The following FOCAD variants were observed in gnomAD, a reference collection of about 807,000 sequenced individuals.
FOCAD encodes KIAA1797.
FOCAD carries 198 observed loss-of-function variants against 225.6 expected under a neutral mutation model. The observed-to-expected ratio is 0.88, with a 90% confidence interval of 0.78 to 0.99. The LOEUF (loss-of-function observed/expected upper bound fraction) is 0.99, where lower values mean the gene tolerates loss of function less well. FOCAD is among the 50% of genes least tolerant of loss of function. FOCAD has a pLI of 0.00. For synonymous variants in FOCAD, 897 were observed against 755.0 expected, an observed-to-expected ratio of 1.19 and a Z score of -3.08; for missense variants, 2,713 against 2,123.6, an observed-to-expected ratio of 1.28 and a Z score of -5.46.
At chr9:20,816,805 G>T (rs1823771361) in intron 11 of FOCAD, among the ~76,000 whole-genome samples, 1 of 151,936 alleles carries the variant, frequency 6.6e-6, no homozygotes, top group South Asian at 2.1e-4. Flanking sequence ...ATAAAAATAA[G>T]AATTTAGCAA....
intron 6 of FOCAD, 115 bp downstream of exon 6, chr9:20,758,306 A>G (rs1228916474): frequency 1.6e-6 from 1 of 623,946 alleles, no homozygotes; most frequent in Non-Finnish European, 2.6e-6. Context: ...TTGATCTATA[A>G]TGTTTTCTCC....
chr9:20,736,413 C>G (rs1014243652), intron 4 of FOCAD, among the ~76,000 whole-genome samples: 2 of 152,126 alleles, frequency 1.3e-5, no homozygotes, highest in Non-Finnish European at 2.9e-5. Context: ...ACTGTAACCT[C>G]TTTATGAAAT....
intron 21 of FOCAD, among the ~76,000 whole-genome samples, chr9:20,897,412 G>GTT (rs796547455): frequency 7.0e-6 from 1 of 142,260 alleles, no homozygotes; most frequent in African/African-American, 2.6e-5. Context: ...ATTTGTTACT[G>GTT]TTTTTTTTTT....
Position 20,669,470 on chromosome 9 carries a change from A to G in FOCAD, c.-78+10644A>G, listed in dbSNP as rs896268193. 6.6e-5 allele frequency among the ~76,000 whole-genome samples: 10 copies of G among 152,176 alleles called. No individual in the cohort carries two copies. In the East Asian group the frequency reaches 1.9e-3, roughly 29 times the overall value. On this transcript the variant is annotated intron_variant, in intron 2 of 45. Coordinates refer to the FOCAD transcript ENST00000380249. Reference sequence around the variant, plus strand: ...GATATGTGTTGCTTCATAAATTGTAAGGCCAGTGAAAAAAGAAAACATGGC... The same window carrying G: ...GATATGTGTTGCTTCATAAATTGTAGGGCCAGTGAAAAAAGAAAACATGGC...
At chr9:20,990,405 C>A (rs1350330953) in intron 42 of FOCAD, 31 bp downstream of exon 42, 1 of 1,608,206 alleles carries the variant, frequency 6.2e-7, no homozygotes, top group Non-Finnish European at 8.5e-7. Flanking sequence ...CTTAGCAGGG[C>A]AGGCAGCCAT....
chr9:20,948,730 C>T (rs1163078456), intron 31 of FOCAD, 121 bp from the exon 32 acceptor site: 25 of 1,047,306 alleles, frequency 2.4e-5, no homozygotes, highest in Non-Finnish European at 3.4e-5. Flanking sequence ...ATACAGGTTA[C>T]GTTGACCCTA....
chr9:20,895,369 G>C (rs1474224120), intron 21 of FOCAD, among the ~76,000 whole-genome samples: 3 of 151,914 alleles, frequency 2.0e-5, no homozygotes, highest in African/African-American at 7.2e-5. Flanking sequence ...GTGAGATTTT[G>C]AGTGTGATTG....
At position 20,885,170 on chromosome 9, in the gene FOCAD, C is replaced by T; in HGVS notation, c.2565C>T (p.Asn855=). 2 of 1,547,458 alleles carry T rather than the reference C, an allele frequency of 1.3e-6. No individual in the cohort carries two copies. Among genetic ancestry groups the T allele is most frequent in the Non-Finnish European group, 1.7e-6 (2 of 1,144,304 alleles). Residue 855 remains asparagine (N), a synonymous_variant, in exon 21 of 44, where the codon AAC becomes AAT. Transcript: ENST00000338382. ...AGAGTAAAGATGGAAAACCATTGAA[C>T]AGACTGATGGCCAGCAGAGGGCGAA... is the stretch of plus-strand genomic sequence containing the variant. ...MYQSKDGKPL[N]RLMASRGRSF...
chr9:20,784,518 A>T (rs1819716460), intron 10 of FOCAD, among the ~76,000 whole-genome samples: 1 of 152,200 alleles, frequency 6.6e-6, no homozygotes, highest in Admixed American at 6.5e-5. Context: ...GATGGGTGAG[A>T]TGAAGTGGAA....
intron 35 of FOCAD, among the ~76,000 whole-genome samples, chr9:20,973,385 C>CTTT (rs1193012099): frequency 6.9e-6 from 1 of 144,378 alleles, no homozygotes; most frequent in Non-Finnish European, 1.5e-5. Context: ...CTTTCTGCAG[C>CTTT]TTTTTTTTTT....
At position 20,815,123 on chromosome 9, in the gene FOCAD, G is replaced by GGTTTTTTTTTTTTTTTTTTTTTTTTT. The variant is rs796702774; in HGVS notation, c.1456-4673_1456-4672insGTTTTTTTTTTTTTTTTTTTTTTTTT. Among the ~76,000 whole-genome samples the GGTTTTTTTTTTTTTTTTTTTTTTTTT allele has an allele frequency of 6.9e-4, 59 of 85,382 alleles. 12 individuals carry two copies. The highest frequency in any genetic ancestry group is 9.8e-4 in the African/African-American group (21 of 21,480). 56.0% of individuals were successfully genotyped at this position (85,382 alleles called of 152,430 possible). On this transcript the variant is annotated intron_variant, in intron 11 of 43. Coordinates refer to ENST00000338382, the MANE Select transcript of FOCAD (RefSeq NM_001375567.1). The stretch of plus-strand genomic sequence containing the variant: ...TCTGGAAATATCATTACTTCTCTTT[G>GGTTTTTTTTTTTTTTTTTTTTTTTTT]TTTTTTTTTTTTTGTTTTTTTTTTT...
intron 30 of FOCAD, among the ~76,000 whole-genome samples, chr9:20,947,183 T>G (rs1837263544): frequency 4.6e-5 from 7 of 152,190 alleles, no homozygotes. Flanking sequence ...TAGAAGTCTC[T>G]GATAAAGTCA....
At chr9:20,765,197 A>T (rs1207547230) in intron 7 of FOCAD, 124 bp downstream of exon 7, 4 of 756,390 alleles carry the variant, frequency 5.3e-6, no homozygotes, top group East Asian at 2.8e-5. Flanking sequence ...CGCTCTAGAA[A>T]TGCTTACAAT....
At chr9:20,795,611 C>T (rs11999871) in intron 11 of FOCAD, among the ~76,000 whole-genome samples, 5,779 of 151,710 alleles carry the variant, frequency 0.038, 146 homozygotes, top group African/African-American at 0.072. Flanking sequence ...GGTGAAACCC[C>T]GTCTCTACTA....
intron 15 of FOCAD, among the ~76,000 whole-genome samples, chr9:20,835,743 C>T (rs1825933624): frequency 6.6e-6 from 1 of 152,082 alleles, no homozygotes; most frequent in South Asian, 2.1e-4. Context: ...GAATGTGAGG[C>T]AGTGCCACTC....
chr9:20,709,651 A>G (rs1824671817), intron 1 of FOCAD, among the ~76,000 whole-genome samples: 1 of 152,176 alleles, frequency 6.6e-6, no homozygotes. Flanking sequence ...ACCTTGAAAT[A>G]TAAGTCTTCA....
chr9:20,722,578 C>G (rs1291274864), intron 4 of FOCAD, among the ~76,000 whole-genome samples: 1 of 152,244 alleles, frequency 6.6e-6, no homozygotes, highest in Non-Finnish European at 1.5e-5. Flanking sequence ...CCAGATATTT[C>G]TGAATAAGTG....
At chr9:20,839,216 TG>T (rs771688742) in intron 15 of FOCAD, among the ~76,000 whole-genome samples, 12 of 152,056 alleles carry the variant, frequency 7.9e-5, no homozygotes, top group Admixed American at 1.3e-4. Context: ...ATAAGGTTTA[TG>T]TGAGGCACTG....
At chr9:20,980,949 T>A (rs947232550) in intron 37 of FOCAD, among the ~76,000 whole-genome samples, 3 of 152,194 alleles carry the variant, frequency 2.0e-5, no homozygotes, top group Admixed American at 1.3e-4. Context: ...TCCCAGCATG[T>A]CACTTCTCCT....
Sources: gnomAD v4.1 joint callset for allele counts (sites outside exome capture counted in the v4.1 genomes callset) on GRCh38, gnomAD v4.1.1 for gene constraint, MANE v1.5 for transcripts, NCBI Gene and HGNC (gene_info 2026-07-23, HGNC 2026-07-21) for gene names.